HS3ST4: variants seen among roughly 807,000 people sequenced by gnomAD.
The protein encoded by HS3ST4 is heparan sulfate-glucosamine 3-sulfotransferase 4, also known as heparan sulfate glucosamine 3-O-sulfotransferase 4.
A neutral mutation model predicts 29.2 loss-of-function variants in HS3ST4; 17 were observed. That is an observed-to-expected ratio of 0.58 (90% CI 0.40 to 0.87). The LOEUF (loss-of-function observed/expected upper bound fraction) is 0.87, where lower values mean the gene tolerates loss of function less well. Among genes scored for constraint, HS3ST4 ranks in the 40% least tolerant of loss-of-function variants. The pLI, the probability that HS3ST4 is intolerant of heterozygous loss-of-function variation, is 0.00. For missense variants in HS3ST4, 627 were observed against 634.5 expected (o/e 0.99, Z 0.13); for synonymous variants, 314 against 285.7 (o/e 1.10, Z -1.00).
intron 1 of HS3ST4, among the ~76,000 whole-genome samples, chr16:25,711,114 G>A (rs759379082): frequency 3.6e-4 from 55 of 151,972 alleles, no homozygotes; most frequent in Non-Finnish European, 1.0e-4. Context: ...ATGAACCACT[G>A]TGTCCAGCTC....
At chr16:25,953,700 T>G (rs1465134175) in intron 1 of HS3ST4, among the ~76,000 whole-genome samples, 1 of 152,144 alleles carries the variant, frequency 6.6e-6, no homozygotes. Flanking sequence ...AGTGATTTAT[T>G]TGCCAAGTGG....
At chr16:26,014,505 C>G (rs927452797) in intron 1 of HS3ST4, among the ~76,000 whole-genome samples, 3 of 152,148 alleles carry the variant, frequency 2.0e-5, no homozygotes, top group Non-Finnish European at 2.9e-5. Flanking sequence ...ACTCTCCATC[C>G]TCACATAGGT....
At chr16:25,828,242 C>CTTTTTCTATCTATCTTTCTT (rs1371928058) in intron 1 of HS3ST4, among the ~76,000 whole-genome samples, 5 of 75,016 alleles carry the variant, frequency 6.7e-5, no homozygotes, top group Non-Finnish European at 1.3e-4. Context: ...TTCTTTCTTT[C>CTTTTTCTATCTATCTTTCTT]TCTTTCTTTC....
chr16:25,699,621 G>A (rs1162727916), intron 1 of HS3ST4, among the ~76,000 whole-genome samples: 3 of 152,160 alleles, frequency 2.0e-5, no homozygotes, highest in Non-Finnish European at 2.9e-5. Context: ...TGTTTCTTAG[G>A]TGATGAAGGT....
chr16:26,106,279 A>C (rs1416639154), intron 1 of HS3ST4, among the ~76,000 whole-genome samples: 2 of 152,230 alleles, frequency 1.3e-5, no homozygotes, highest in African/African-American at 4.8e-5. Context: ...TGGCCTCACA[A>C]GACCGTCATC....
At chr16:25,721,687 A>AT (rs1391931312) in intron 1 of HS3ST4, among the ~76,000 whole-genome samples, 31 of 152,202 alleles carry the variant, frequency 2.0e-4, no homozygotes, top group Admixed American at 2.0e-3. Flanking sequence ...CATCTGTTGG[A>AT]TTACACCTGA....
intron 1 of HS3ST4, among the ~76,000 whole-genome samples, chr16:26,007,767 C>T (rs1283389531): frequency 6.6e-6 from 1 of 152,130 alleles, no homozygotes; most frequent in Non-Finnish European, 1.5e-5. Context: ...TTTAGTAGAA[C>T]TTTCATTTCT....
intron 1 of HS3ST4, among the ~76,000 whole-genome samples, chr16:26,109,522 G>T (rs1193438151): frequency 6.6e-6 from 1 of 152,092 alleles, no homozygotes; most frequent in Non-Finnish European, 1.5e-5. Context: ...ACCTGGGCAT[G>T]GCTGGGGAAG....
intron 1 of HS3ST4, among the ~76,000 whole-genome samples, chr16:26,035,411 C>T (rs534273374): frequency 1.3e-5 from 2 of 152,224 alleles, no homozygotes; most frequent in Non-Finnish European, 2.9e-5. Flanking sequence ...ATACTTCCTC[C>T]TAGATGTTTC....
chr16:25,827,533 C>CAAAAA (rs11371550), intron 1 of HS3ST4, among the ~76,000 whole-genome samples: 1 of 136,248 alleles, frequency 7.3e-6, no homozygotes, highest in Admixed American at 7.3e-5. Context: ...GCTGTCTTCA[C>CAAAAA]AAAAAAAAAA....
chr16:25,745,876 C>A (rs1306232953), intron 1 of HS3ST4, among the ~76,000 whole-genome samples: 1 of 152,164 alleles, frequency 6.6e-6, no homozygotes, highest in Admixed American at 6.5e-5. Flanking sequence ...TTGATTTCTT[C>A]ATCTGGTCTG....
intron 1 of HS3ST4, among the ~76,000 whole-genome samples, chr16:25,999,350 GGTTAGCT>G (rs2141732561): frequency 6.6e-6 from 1 of 152,158 alleles, no homozygotes; most frequent in South Asian, 2.1e-4. Context: ...GTGCTGCTAG[GGTTAGCT>G]GTGGGATTGC....
intron 1 of HS3ST4, among the ~76,000 whole-genome samples, chr16:25,851,957 A>G (rs1967526447): frequency 6.6e-6 from 1 of 152,214 alleles, no homozygotes; most frequent in African/African-American, 2.4e-5. Flanking sequence ...TGCCCTGTGC[A>G]ATTTTATACA....
rs181349321 is a variant in HS3ST4, at chr16:25,882,503, T to C, written c.734+189352T>C. On this transcript the variant is annotated intron_variant, in intron 1 of 1. Coordinates refer to ENST00000331351, the MANE Select transcript of HS3ST4 (RefSeq NM_006040.3). ...GGGCCATTAGTTTGCCGATGGTGGA[T>C]TGTCTTTCCAGCAAATGTCTTTTGA... 9.7e-4 allele frequency among the ~76,000 whole-genome samples: 148 copies of C among 152,200 alleles called. 1 individual carries two copies. The highest frequency in any genetic ancestry group is 3.3e-3 in the African/African-American group (138 of 41,526).
At chr16:25,694,529 C>A (rs1486469623) in intron 1 of HS3ST4, among the ~76,000 whole-genome samples, 3 of 152,148 alleles carry the variant, frequency 2.0e-5, no homozygotes, top group Non-Finnish European at 2.9e-5. Flanking sequence ...CAGCCCCTTC[C>A]TATCAAAACA....
At chr16:25,941,084 A>G (rs1187619097) in intron 1 of HS3ST4, among the ~76,000 whole-genome samples, 4 of 152,158 alleles carry the variant, frequency 2.6e-5, no homozygotes, top group Non-Finnish European at 5.9e-5. Flanking sequence ...GCCTTCCTGC[A>G]CCATTGAGAC....
chr16:25,983,439 C>G (rs1323704971), intron 1 of HS3ST4, among the ~76,000 whole-genome samples: 1 of 152,184 alleles, frequency 6.6e-6, no homozygotes, highest in Non-Finnish European at 1.5e-5. Context: ...GTGGTTTGCA[C>G]ACAGTATTCA....
At chr16:26,080,897 G>GCAACATCTTGCTCATCAAAGTGCGTCCA (rs1898715926) in intron 1 of HS3ST4, among the ~76,000 whole-genome samples, 1 of 152,138 alleles carries the variant, frequency 6.6e-6, no homozygotes, top group Non-Finnish European at 1.5e-5. Flanking sequence ...AACAGCATCT[G>GCAACATCTTGCTCATCAAAGTGCGTCCA]CAACATCTTG....
chr16:26,066,952 G>T lies in HS3ST4; in HGVS notation c.735-68660G>T, dbSNP rs190924022. 7.3e-3 allele frequency among the ~76,000 whole-genome samples: 1,111 copies of T among 152,232 alleles called. 6 individuals are homozygous for T. The highest frequency in any genetic ancestry group is 0.017 in the Middle Eastern group (5 of 294). On this transcript the variant is annotated intron_variant, in intron 1 of 1. Coordinates refer to ENST00000331351, the MANE Select transcript of HS3ST4 (RefSeq NM_006040.3). The stretch of plus-strand genomic sequence containing the variant: ...TTATGTAGTAAATAATCATTGGCAG[G>T]GTCTGTGCTGTGGAACAGGACTGCA...
Sources: gnomAD v4.1 joint callset for allele counts (sites outside exome capture counted in the v4.1 genomes callset) on GRCh38, gnomAD v4.1.1 for gene constraint, MANE v1.5 for transcripts, NCBI Gene and HGNC (gene_info 2026-07-23, HGNC 2026-07-21) for gene names.